The following GALNT17 variants were observed in gnomAD, a reference collection of about 807,000 sequenced individuals.
GALNT17 encodes the protein polypeptide N-acetylgalactosaminyltransferase 17.
Under a neutral mutation model 63.7 loss-of-function variants are expected in GALNT17, and 29 were observed. The observed-to-expected ratio is 0.46, with a 90% CI of 0.34 to 0.62. The LOEUF (loss-of-function observed/expected upper bound fraction) is 0.62, where lower values mean the gene tolerates loss of function less well. GALNT17 is among the 20% of genes least tolerant of loss of function. GALNT17 has a pLI of 0.01. For synonymous variants in GALNT17, 305 were observed against 318.3 expected (o/e 0.96, Z 0.45); for missense variants, 603 against 799.6 (o/e 0.75, Z 2.97).
At chr7:71,462,969 A>G (rs1443565027) in intron 5 of GALNT17, among the ~76,000 whole-genome samples, 1 of 152,198 alleles carries the variant, frequency 6.6e-6, no homozygotes, top group Non-Finnish European at 1.5e-5. Context: ...AGCAGATTGC[A>G]GCAGACAAAA....
At chr7:71,649,644 C>T (rs1052523754) in intron 6 of GALNT17, among the ~76,000 whole-genome samples, 17 of 149,452 alleles carry the variant, frequency 1.1e-4, no homozygotes, top group Admixed American at 2.7e-4. Context: ...CACACACACA[C>T]ATACACACCT....
Position 71,159,657 on chromosome 7 carries a change from A to T in GALNT17, c.238+26617A>T, listed in dbSNP as rs190104361. Among the ~76,000 whole-genome samples the T allele has an allele frequency of 9.4e-4, 139 of 148,556 alleles. 2 individuals are homozygous for T. Among genetic ancestry groups the T allele is most frequent in the Middle Eastern group, 3.4e-3 (1 of 294 alleles). On this transcript the variant is annotated intron_variant, in intron 1 of 10. Coordinates refer to ENST00000333538, the MANE Select transcript of GALNT17 (RefSeq NM_022479.3). The stretch of plus-strand genomic sequence containing the variant: ...GGCGGGAGCAGAAACGGGCAGACCT[A>T]CTAGATAAAGGGTGCTTACCACTTG...
chr7:71,369,093 T>C (rs1312688056), intron 2 of GALNT17, among the ~76,000 whole-genome samples: 4 of 152,222 alleles, frequency 2.6e-5, no homozygotes, highest in Non-Finnish European at 4.4e-5. Flanking sequence ...TCTACAATTA[T>C]AGGTTCTTCA....
intron 5 of GALNT17, among the ~76,000 whole-genome samples, chr7:71,430,317 A>G (rs1280668737): frequency 2.6e-5 from 4 of 152,228 alleles, no homozygotes; most frequent in South Asian, 2.1e-4. Flanking sequence ...TAGGTGCACC[A>G]TAAGTTCATG....
At chr7:71,556,161 A>G (rs951428669) in intron 5 of GALNT17, among the ~76,000 whole-genome samples, 9 of 152,226 alleles carry the variant, frequency 5.9e-5, no homozygotes, top group African/African-American at 2.2e-4. Context: ...TTAAATACGC[A>G]AGGCCATCAG....
intron 1 of GALNT17, among the ~76,000 whole-genome samples, chr7:71,224,245 A>G (rs1443953927): frequency 2.0e-5 from 3 of 152,170 alleles, no homozygotes; most frequent in Admixed American, 6.5e-5. Flanking sequence ...GAGTTTTGCC[A>G]TGTCGGCCAG....
intron 7 of GALNT17, among the ~76,000 whole-genome samples, chr7:71,666,654 G>A (rs947251950): frequency 1.3e-5 from 2 of 152,000 alleles, no homozygotes; most frequent in African/African-American, 4.8e-5. Context: ...AACATATGAT[G>A]TTTGGTTTTC....
intron 5 of GALNT17, among the ~76,000 whole-genome samples, chr7:71,504,315 A>C (rs1045366950): frequency 3.3e-5 from 5 of 151,866 alleles, no homozygotes; most frequent in African/African-American, 9.7e-5. Flanking sequence ...GAATTGCTTG[A>C]ACCTGGGTTG....
At chr7:71,307,433 G>A (rs1335995481) in intron 1 of GALNT17, among the ~76,000 whole-genome samples, 1 of 151,900 alleles carries the variant, frequency 6.6e-6, no homozygotes, top group East Asian at 2.0e-4. Flanking sequence ...GCTTACAGAG[G>A]CAATAAGACC....
At chr7:71,424,105 G>C (rs1786715400) in intron 5 of GALNT17, among the ~76,000 whole-genome samples, 1 of 152,144 alleles carries the variant, frequency 6.6e-6, no homozygotes, top group South Asian at 2.1e-4. Context: ...TGTTCATCAT[G>C]CAGTGTTTCA....
intron 1 of GALNT17, among the ~76,000 whole-genome samples, chr7:71,217,140 G>GTTTTTTTTTTTTTT (rs200574411): frequency 1.1e-5 from 1 of 95,214 alleles, no homozygotes; most frequent in East Asian, 3.3e-4. Flanking sequence ...ATTTTTTCGT[G>GTTTTTTTTTTTTTT]TTTTGTTTTT....
At chr7:71,646,221 C>T (rs1455972929) in intron 6 of GALNT17, among the ~76,000 whole-genome samples, 1 of 152,216 alleles carries the variant, frequency 6.6e-6, no homozygotes, top group African/African-American at 2.4e-5. Context: ...AGCTTCTAAC[C>T]CAGCAGCTAG....
At chr7:71,439,851 G>A (rs1787033447) in intron 5 of GALNT17, among the ~76,000 whole-genome samples, 1 of 151,928 alleles carries the variant, frequency 6.6e-6, no homozygotes, top group African/African-American at 2.4e-5. Context: ...AGACTATAGT[G>A]AGGGGTGGAA....
chr7:71,372,155 C>A (rs751894217), intron 2 of GALNT17, among the ~76,000 whole-genome samples: 1 of 151,642 alleles, frequency 6.6e-6, no homozygotes, highest in Non-Finnish European at 1.5e-5. Context: ...TAATTATATT[C>A]TTTTCTATTT....
intron 6 of GALNT17, among the ~76,000 whole-genome samples, chr7:71,618,044 T>A (rs1474957039): frequency 1.3e-5 from 2 of 152,164 alleles, no homozygotes; most frequent in Admixed American, 1.3e-4. Flanking sequence ...AGTGTTTAGT[T>A]CCCATTTATA....
chr7:71,144,854 A>G (rs746591499), intron 1 of GALNT17, among the ~76,000 whole-genome samples: 19 of 152,206 alleles, frequency 1.2e-4, no homozygotes, highest in South Asian at 6.2e-4. Context: ...TCAGCCTCCC[A>G]AGTAGCTGGG....
intron 5 of GALNT17, among the ~76,000 whole-genome samples, chr7:71,540,175 C>A (rs2116803680): frequency 8.3e-6 from 1 of 121,074 alleles, no homozygotes; most frequent in Non-Finnish European, 1.6e-5. Context: ...GTGGTGGGAT[C>A]TTGGCTCACT....
chr7:71,171,492 C>T (rs1788546377), intron 1 of GALNT17, among the ~76,000 whole-genome samples: 1 of 152,196 alleles, frequency 6.6e-6, no homozygotes, highest in Admixed American at 6.5e-5. Context: ...CAGAGCAAGA[C>T]CCTGTCTCCA....
At chr7:71,391,769 G>A (rs1793056232) in intron 3 of GALNT17, among the ~76,000 whole-genome samples, 1 of 152,198 alleles carries the variant, frequency 6.6e-6, no homozygotes, top group South Asian at 2.1e-4. Flanking sequence ...TTACAGGTGT[G>A]AGTCACCATG....
Sources: allele counts gnomAD v4.1 joint callset (sites outside exome capture counted in the v4.1 genomes callset), GRCh38; gene constraint gnomAD v4.1.1; transcripts MANE v1.5; gene names NCBI Gene and HGNC (gene_info 2026-07-23, HGNC 2026-07-21).